The following CYLD variants were observed in gnomAD, a reference collection of about 807,000 sequenced individuals.
The protein encoded by CYLD is ubiquitin carboxyl-terminal hydrolase CYLD.
A neutral mutation model predicts 104.5 loss-of-function variants in CYLD; 26 were observed. That is an observed-to-expected ratio of 0.25 (90% confidence interval 0.18 to 0.35). CYLD has a LOEUF of 0.35. Among genes scored for constraint, CYLD ranks in the 10% least tolerant of loss-of-function variants. The pLI, the probability that CYLD is intolerant of heterozygous loss-of-function variation, is 1.00. For synonymous variants in CYLD, 385 were observed against 399.9 expected, an observed-to-expected ratio of 0.96 and a Z score of 0.45; for missense variants, 703 against 1,136.1, an observed-to-expected ratio of 0.62 and a Z score of 5.48.
At chr16:50,758,791 G>T (rs571153888) in intron 5 of CYLD, among the ~76,000 whole-genome samples, 4 of 152,264 alleles carry the variant, frequency 2.6e-5, no homozygotes, top group African/African-American at 9.6e-5. Context: ...AAGAGCATGC[G>T]TCGGGGAGTG....
At chr16:50,771,957 GCTAA>G (rs1314153669) in intron 5 of CYLD, among the ~76,000 whole-genome samples, 1 of 152,130 alleles carries the variant, frequency 6.6e-6, no homozygotes, top group African/African-American at 2.4e-5. Flanking sequence ...GATCACTGCG[GCTAA>G]CTAGTAAGTC....
intron 4 of CYLD, 42 bp downstream of exon 4, chr16:50,751,948 T>A: frequency 2.3e-6 from 2 of 859,128 alleles, no homozygotes; most frequent in Non-Finnish European, 3.4e-6. Context: ...ATATATATAT[T>A]AGTTTATATA....
rs1053203853 is a variant in CYLD at position 50,756,771 on chromosome 16, A to C, written c.913+2347A>C. Reference sequence around the variant, plus strand: ...CGACTTAATACTTTTTTACATTCTTAACAAACTTATAATGTAAGTCTTAAT... The same window carrying C: ...CGACTTAATACTTTTTTACATTCTTCACAAACTTATAATGTAAGTCTTAAT... On this transcript the variant is annotated intron_variant, in intron 5 of 18. Transcript: ENST00000427738. Among the ~76,000 whole-genome samples, 8 of 152,224 alleles carry C rather than the reference A, an allele frequency of 5.3e-5. No individual in the cohort carries two copies. In the South Asian group the frequency reaches 6.2e-4, roughly 12 times the overall value.
chr16:50,743,131 A>T (rs1216899822), intron 2 of CYLD, among the ~76,000 whole-genome samples: 2 of 152,116 alleles, frequency 1.3e-5, no homozygotes, highest in Non-Finnish European at 2.9e-5. Context: ...GGAAAGTTTT[A>T]TCCTTAGCTC....
intron 5 of CYLD, among the ~76,000 whole-genome samples, chr16:50,758,300 A>G (rs1967501995): frequency 6.6e-6 from 1 of 152,182 alleles, no homozygotes; most frequent in Non-Finnish European, 1.5e-5. Flanking sequence ...AGTTTGAGCA[A>G]TGTGAAGAGT....
At chr16:50,784,901 G>C (rs538478566) in intron 12 of CYLD, 1 of 169,040 alleles carries the variant, frequency 5.9e-6, no homozygotes, top group South Asian at 1.4e-4. Flanking sequence ...TAATACTTTG[G>C]ACTAGCAACA....
At position 50,779,901 on chromosome 16, in the gene CYLD, C is replaced by G; in HGVS notation, c.1375C>G (p.Pro459Ala). 6.2e-7 allele frequency: 1 copy of G among 1,614,074 alleles called. No individual in the cohort carries two copies. The highest frequency in any genetic ancestry group is 8.5e-7 in the Non-Finnish European group (1 of 1,179,948). ...CACTGCACCCGTCCAAGAGAGTCCA[C>G]CCTTGGCCATGCCTCCTGGGAACTC... ...LNTAPVQESPPLAMPPGNSHG... is the reference protein window; with the variant it reads ...LNTAPVQESPALAMPPGNSHG... The change falls in exon 9 of 19, where the codon CCC becomes GCC. Residue 459 changes from proline (P) to alanine (A), a missense_variant. Physicochemically the swap from Pro to Ala is conservative, Grantham distance 27 (BLOSUM62 -1). Transcript: ENST00000427738.
In CYLD at chr16:50,772,420, G is replaced by T. The variant is rs115828869; in HGVS notation, c.914-2746G>T. Reference sequence around the variant, plus strand: ...TTAGTTGTACTTAGCAAAAGAAATAGGAAGTACATCTACTTTATCTTCCCA... The same window carrying T: ...TTAGTTGTACTTAGCAAAAGAAATATGAAGTACATCTACTTTATCTTCCCA... On this transcript the variant is annotated intron_variant, in intron 5 of 18. Coordinates refer to ENST00000427738, the MANE Select transcript of CYLD (RefSeq NM_001378743.1). 3.0e-3 allele frequency among the ~76,000 whole-genome samples: 453 copies of T among 152,242 alleles called. 5 individuals carry two copies. Among genetic ancestry groups the T allele is most frequent in the African/African-American group, 0.01 (426 of 41,552 alleles).
At chr16:50,778,172 C>G (rs1267731874) in intron 8 of CYLD, 2 of 441,566 alleles carry the variant, frequency 4.5e-6, no homozygotes, top group Admixed American at 7.3e-5. Flanking sequence ...AACTGCTGAT[C>G]TATTTAGGGT....
At chr16:50,746,609 A>G (rs1216741615) in intron 2 of CYLD, among the ~76,000 whole-genome samples, 1 of 152,134 alleles carries the variant, frequency 6.6e-6, no homozygotes, top group African/African-American at 2.4e-5. Flanking sequence ...GCTCATTTCC[A>G]CTTGTGCTAA....
intron 10 of CYLD, 135 bp from the exon 11 acceptor site, chr16:50,782,190 T>C: frequency 1.5e-6 from 1 of 665,642 alleles, no homozygotes; most frequent in South Asian, 2.1e-5. Context: ...AACCAAAGCC[T>C]ACTTTCCACT....
intron 7 of CYLD, 54 bp from the exon 8 acceptor site, chr16:50,777,771 A>G (rs1969833925): frequency 1.1e-6 from 1 of 907,082 alleles, no homozygotes; most frequent in Non-Finnish European, 1.8e-6. Flanking sequence ...CTAAAAAAAA[A>G]CTTTGATGCT....
intron 5 of CYLD, among the ~76,000 whole-genome samples, chr16:50,760,576 T>A (rs1967788431): frequency 6.6e-6 from 1 of 152,164 alleles, no homozygotes; most frequent in Non-Finnish European, 1.5e-5. Context: ...TTTGCTTTAT[T>A]CTCTTAATTT....
chr16:50,784,507 T>C, intron 12 of CYLD, 56 bp downstream of exon 12: 2 of 1,564,634 alleles, frequency 1.3e-6, no homozygotes. Flanking sequence ...TTTGCTGTTT[T>C]CTGGTATAGT....
chr16:50,787,416 C>G (rs1333413138), intron 13 of CYLD: 2 of 273,770 alleles, frequency 7.3e-6, no homozygotes, highest in East Asian at 1.9e-4. Context: ...TTGAATTTGT[C>G]AGCAGCATAC....
At chr16:50,781,869 T>C (rs543576802) in intron 10 of CYLD, among the ~76,000 whole-genome samples, 14 of 152,238 alleles carry the variant, frequency 9.2e-5, no homozygotes, top group Non-Finnish European at 1.6e-4. Flanking sequence ...GGTGGCAGTT[T>C]CCTGGTGCTG....
rs187616100 is a variant in CYLD, at chr16:50,794,013, C to T, written c.2470-199C>T. Among the ~76,000 whole-genome samples, 646 of 151,752 alleles carry T rather than the reference C, an allele frequency of 4.3e-3. 2 individuals are homozygous for T. The highest frequency in any genetic ancestry group is 0.015 in the African/African-American group (620 of 41,358). The stretch of plus-strand genomic sequence containing the variant: ...CACGATCTCGGCCCACTGCAACCTC[C>T]GCCTCCGGGATTTAAATGATTCTCC... On this transcript the variant is annotated intron_variant, in intron 17 of 18. Coordinates refer to ENST00000427738, the MANE Select transcript of CYLD (RefSeq NM_001378743.1). The surrounding 1 kb of genome is among the most constrained non-coding windows in gnomAD (Gnocchi z 4.1).
intron 5 of CYLD, among the ~76,000 whole-genome samples, chr16:50,773,071 CTG>C (rs1178983249): frequency 6.6e-6 from 1 of 152,172 alleles, no homozygotes; most frequent in African/African-American, 2.4e-5. Context: ...CTCAAGTAAA[CTG>C]TATTTTCTTC....
intron 2 of CYLD, among the ~76,000 whole-genome samples, chr16:50,745,061 C>T (rs1295508672): frequency 6.6e-6 from 1 of 152,084 alleles, no homozygotes; most frequent in East Asian, 1.9e-4. Context: ...GTATTTATTA[C>T]CAAGATATTC....
Sources: gnomAD v4.1 joint callset for allele counts (sites outside exome capture counted in the v4.1 genomes callset) on GRCh38, gnomAD v4.1.1 for gene constraint, Gnocchi (gnomAD v3.1) non-coding constraint, MANE v1.5 for transcripts, NCBI Gene and HGNC (gene_info 2026-07-23, HGNC 2026-07-21) for gene names.